The following GRIP1 variants were observed in gnomAD, a reference collection of about 807,000 sequenced individuals.
GRIP1 encodes the protein glutamate receptor interacting protein 1, also known as glutamate receptor-interacting protein 1.
A neutral mutation model predicts 129.9 loss-of-function variants in GRIP1; 45 were observed. That is an observed-to-expected ratio of 0.35 (90% CI 0.27 to 0.44). GRIP1 has a LOEUF of 0.44. Ranked by LOEUF, GRIP1 falls within the 20% of genes least tolerant of loss-of-function variation. The probability of loss-of-function intolerance (pLI) is 1.00; values close to 1 mark genes in which losing one functional copy is unlikely to be tolerated. For synonymous variants in GRIP1, 530 were observed against 520.8 expected (o/e 1.02, Z -0.24); for missense variants, 1,196 against 1,396.8 (o/e 0.86, Z 2.29).
At chr12:66,597,512 G>A (rs75650471) in intron 1 of GRIP1, among the ~76,000 whole-genome samples, 357 of 152,288 alleles carry the variant, frequency 2.3e-3, no homozygotes, top group African/African-American at 7.9e-3. Flanking sequence ...GAAGACCAGA[G>A]GAGCTAGGTT....
At chr12:66,751,221 T>G (rs2037116648) in intron 1 of GRIP1, among the ~76,000 whole-genome samples, 1 of 152,110 alleles carries the variant, frequency 6.6e-6, no homozygotes, top group Admixed American at 6.6e-5. Flanking sequence ...CATTGAACAT[T>G]GTATCTCCAT....
chr12:66,749,246 A>T (rs2037049230), intron 1 of GRIP1, among the ~76,000 whole-genome samples: 1 of 152,222 alleles, frequency 6.6e-6, no homozygotes, highest in Non-Finnish European at 1.5e-5. Context: ...CAAGGACAAC[A>T]TCTAACACCA....
At chr12:67,031,567 T>C (rs568257673) in intron 1 of GRIP1, among the ~76,000 whole-genome samples, 38 of 151,922 alleles carry the variant, frequency 2.5e-4, no homozygotes, top group African/African-American at 7.9e-4. Context: ...TCTCCACCTC[T>C]TTATTACATG....
chr12:66,574,800 T>TTTTTTTCTTTTTTTTTC, intron 2 of GRIP1, among the ~76,000 whole-genome samples: 1 of 151,648 alleles, frequency 6.6e-6, no homozygotes, highest in Non-Finnish European at 1.5e-5. Flanking sequence ...TTTTTTTTTT[T>TTTTTTTCTTTTTTTTTC]TAGACGGAGT....
intron 2 of GRIP1, chr12:66,563,863 G>GGGAAT (rs1356016782): frequency 3.3e-5 from 5 of 152,192 alleles, no homozygotes; most frequent in Non-Finnish European, 7.3e-5. Flanking sequence ...GCAATAAGAA[G>GGGAAT]GGAATGAACA....
chr12:66,431,206 A>G (rs2137953420), intron 14 of GRIP1, among the ~76,000 whole-genome samples: 1 of 152,336 alleles, frequency 6.6e-6, no homozygotes, highest in South Asian at 2.1e-4. Context: ...CTATAGTGAC[A>G]TACCATCTTT....
chr12:66,916,271 G>A lies in GRIP1; in HGVS notation c.58+152779C>T, dbSNP rs183273499. On this transcript the variant is annotated intron_variant, in intron 1 of 1. Coordinates refer to the GRIP1 transcript ENST00000643019. Reference sequence around the variant, plus strand: ...CCCTGCAAATAACACGGAGGTATCTGTACATCAACTCCCTGAGGCTGGAGT... The same window carrying A: ...CCCTGCAAATAACACGGAGGTATCTATACATCAACTCCCTGAGGCTGGAGT... Among the ~76,000 whole-genome samples the A allele has an allele frequency of 1.5e-3, 229 of 152,346 alleles. 1 individual carries two copies. The highest frequency in any genetic ancestry group is 5.4e-3 in the African/African-American group (226 of 41,582).
chr12:66,504,390 T>A (rs2060471539), intron 7 of GRIP1, among the ~76,000 whole-genome samples: 1 of 152,184 alleles, frequency 6.6e-6, no homozygotes, highest in South Asian at 2.1e-4. Context: ...TTCAGATTTA[T>A]CATATAGAAA....
At chr12:66,825,940 C>G (rs1168007506) in intron 1 of GRIP1, among the ~76,000 whole-genome samples, 1 of 152,160 alleles carries the variant, frequency 6.6e-6, no homozygotes, top group Non-Finnish European at 1.5e-5. Context: ...CCATTTGACA[C>G]AGCAATCTCA....
intron 1 of GRIP1, among the ~76,000 whole-genome samples, chr12:66,841,740 T>G (rs991262640): frequency 1.3e-5 from 2 of 152,124 alleles, no homozygotes; most frequent in African/African-American, 4.8e-5. Context: ...CACCAGAAAT[T>G]GAGGAGCCAT....
chr12:66,774,259 C>T (rs57837999), intron 1 of GRIP1, among the ~76,000 whole-genome samples: 1 of 152,150 alleles, frequency 6.6e-6, no homozygotes, highest in Admixed American at 6.5e-5. Flanking sequence ...ACTCCACCTC[C>T]TAAGGTCTGA....
chr12:66,999,951 TTTCTTCTTCC>T (rs1180016335), intron 1 of GRIP1, among the ~76,000 whole-genome samples: 2 of 152,162 alleles, frequency 1.3e-5, no homozygotes, highest in African/African-American at 4.8e-5. Context: ...GCCCCCAATT[TTTCTTCTTCC>T]CTCCCATTAA....
intron 1 of GRIP1, among the ~76,000 whole-genome samples, chr12:66,726,344 A>G (rs1451348697): frequency 1.3e-5 from 2 of 152,178 alleles, no homozygotes; most frequent in Non-Finnish European, 2.9e-5. Flanking sequence ...AAACTGTAGA[A>G]TATGTAAAAT....
intron 1 of GRIP1, among the ~76,000 whole-genome samples, chr12:66,656,077 T>C (rs2136169103): frequency 6.6e-6 from 1 of 152,258 alleles, no homozygotes; most frequent in East Asian, 1.9e-4. Context: ...ATAAATTTTT[T>C]CTCCAGGCAT....
chr12:66,793,613 C>T (rs1180948692), intron 1 of GRIP1, among the ~76,000 whole-genome samples: 1 of 152,078 alleles, frequency 6.6e-6, no homozygotes, highest in African/African-American at 2.4e-5. Flanking sequence ...TGCTTTTTCT[C>T]CTTTTGGAGC....
intron 1 of GRIP1, among the ~76,000 whole-genome samples, chr12:66,796,799 T>C (rs1468744576): frequency 1.3e-5 from 2 of 152,128 alleles, no homozygotes; most frequent in East Asian, 1.9e-4. Flanking sequence ...ATAAAGATGG[T>C]AAGAAGAAAA....
intron 7 of GRIP1, among the ~76,000 whole-genome samples, chr12:66,480,281 A>T (rs7304369): frequency 0.26 from 40,208 of 152,036 alleles, 5,519 homozygotes; most frequent in Middle Eastern, 0.43. Flanking sequence ...AATAATAGAA[A>T]GCCAAATCAT....
chr12:66,745,425 C>T (rs563383598), intron 1 of GRIP1, among the ~76,000 whole-genome samples: 1 of 152,158 alleles, frequency 6.6e-6, no homozygotes, highest in Non-Finnish European at 1.5e-5. Context: ...GTCATTCATT[C>T]AACATTTATT....
rs374060288 is a variant in GRIP1 at position 66,447,634 on chromosome 12, C to T, written c.1355-2126G>A. On this transcript the variant is annotated intron_variant, in intron 11 of 24. Transcript: ENST00000359742. The stretch of plus-strand genomic sequence containing the variant: ...TTGTATCCTTCCTTCCATTTCAAGG[C>T]TAATTCCCCCTTTTAGTGTTTTTAA... Among the ~76,000 whole-genome samples the T allele has an allele frequency of 6.6e-5, 10 of 152,214 alleles. No individual in the cohort carries two copies. The East Asian group carries it at 1.5e-3, about 24-fold the overall frequency.
Sources: gnomAD v4.1 joint callset for allele counts (sites outside exome capture counted in the v4.1 genomes callset) on GRCh38, gnomAD v4.1.1 for gene constraint, MANE v1.5 for transcripts, NCBI Gene and HGNC (gene_info 2026-07-23, HGNC 2026-07-21) for gene names.